PCDHGA2: variants seen among roughly 807,000 people sequenced by gnomAD.
PCDHGA2 encodes the protein protocadherin gamma subfamily A, 2.
PCDHGA2 carries 40 observed loss-of-function variants against 59.2 expected under a neutral mutation model. The observed-to-expected ratio is 0.68, with a 90% CI of 0.52 to 0.88. PCDHGA2 has a LOEUF of 0.88. PCDHGA2 is among the 40% of genes least tolerant of loss of function. The probability of loss-of-function intolerance (pLI) is 0.00; values close to 1 mark genes in which losing one functional copy is unlikely to be tolerated. For missense variants in PCDHGA2, 1,226 were observed against 1,204.0 expected, an observed-to-expected ratio of 1.02 and a Z score of -0.27; for synonymous variants, 560 against 526.0, an observed-to-expected ratio of 1.06 and a Z score of -0.89.
At chr5:141,421,601 T>C (rs1309928984) in intron 1 of PCDHGA2, 19 of 1,613,652 alleles carry the variant, frequency 1.2e-5, no homozygotes, top group Non-Finnish European at 1.6e-5. Context: ...GTGGAAATAA[T>C]AGATATTAAT....
chr5:141,357,665 C>T, intron 1 of PCDHGA2: 7 of 1,599,548 alleles, frequency 4.4e-6, no homozygotes, highest in Non-Finnish European at 6.0e-6. Flanking sequence ...GAAATATAGA[C>T]AAAGAGTTGT....
rs1299543517 is a variant in PCDHGA2, at chr5:141,344,385, G to T, written c.2424+2990G>T. The T allele has an allele frequency of 2.5e-6, 4 of 1,612,432 alleles. No homozygotes were observed. In the Admixed American group the frequency reaches 5.0e-5, roughly 20 times the overall value. On this transcript the variant is annotated intron_variant, in intron 1 of 3. Coordinates refer to ENST00000394576, the MANE Select transcript of PCDHGA2 (RefSeq NM_018915.4). ...GGTTGAGGATAAATTGAAAATTTTT[G>T]AAGTAGAAATAGAAATTAAAGATAT...
intron 1 of PCDHGA2, among the ~76,000 whole-genome samples, chr5:141,425,696 A>G (rs1033976807): frequency 1.3e-4 from 20 of 152,242 alleles, no homozygotes; most frequent in African/African-American, 4.3e-4. Context: ...ATCATTTCAT[A>G]GTGGTCAAAA....
chr5:141,489,151 A>G lies in PCDHGA2; in HGVS notation c.2425-5656A>G. On this transcript the variant is annotated intron_variant, in intron 1 of 3. Transcript: ENST00000394576. This position sits in a 1 kb window ranked among gnomAD's most constrained non-coding sequence, Gnocchi z 4.5. ...TTTTTAAGAGGCTGGAAGGAGACAT[A>G]AGAGACTTCAGCTGCTGCATTCCAA... is the stretch of plus-strand genomic sequence containing the variant. The G allele has an allele frequency of 4.3e-6, 4 of 932,968 alleles. No individual in the cohort carries two copies. Among genetic ancestry groups the G allele is most frequent in the Non-Finnish European group, 6.4e-6 (4 of 622,052 alleles). 57.8% of individuals were successfully genotyped at this position (932,968 alleles called of 1,614,324 possible).
At chr5:141,418,674 GCAT>G (rs1401114725) in intron 1 of PCDHGA2, 1 of 1,614,032 alleles carries the variant, frequency 6.2e-7, no homozygotes, top group Non-Finnish European at 8.5e-7. Flanking sequence ...CAGGACGAGG[GCAT>G]CAACTCAGAG....
At chr5:141,374,916 C>T in intron 1 of PCDHGA2, 2 of 1,613,924 alleles carry the variant, frequency 1.2e-6, no homozygotes, top group Non-Finnish European at 1.7e-6. Flanking sequence ...GGGGAAGTAA[C>T]TTATTCCTTT....
At chr5:141,360,262 A>G in intron 1 of PCDHGA2, 1 of 1,613,978 alleles carries the variant, frequency 6.2e-7, no homozygotes, top group Non-Finnish European at 8.5e-7. Context: ...GGAGCTGGCC[A>G]AAAACTCGGT....
intron 1 of PCDHGA2, chr5:141,355,721 C>CA: frequency 6.2e-7 from 1 of 1,614,008 alleles, no homozygotes; most frequent in Non-Finnish European, 8.5e-7. Context: ...CAGCTCAACT[C>CA]AAACGGTTAC....
chr5:141,372,725 A>G (rs1258286952), intron 1 of PCDHGA2: 4 of 1,613,884 alleles, frequency 2.5e-6, no homozygotes, highest in Admixed American at 1.7e-5. Flanking sequence ...ATGCTGCACC[A>G]CAAGATCTTC....
At chr5:141,507,120 T>TA (rs1256499995) in intron 3 of PCDHGA2, 2 of 152,206 alleles carry the variant, frequency 1.3e-5, no homozygotes, top group African/African-American at 4.8e-5. Context: ...TGGCTGCCTT[T>TA]GGATCCAGCC....
At chr5:141,356,417 C>T in intron 1 of PCDHGA2, 1 of 1,603,636 alleles carries the variant, frequency 6.2e-7, no homozygotes, top group South Asian at 1.1e-5. Context: ...CGGTTGTTGA[C>T]ACACAGAACA....
intron 1 of PCDHGA2, chr5:141,352,409 C>T: frequency 6.2e-7 from 1 of 1,614,046 alleles, no homozygotes; most frequent in African/African-American, 1.3e-5. Flanking sequence ...TTCCTCCAGC[C>T]TCGACACTGA....
At position 141,491,390 on chromosome 5, in the gene PCDHGA2, T is replaced by C; in HGVS notation, c.2425-3417T>C. 6.2e-7 allele frequency: 1 copy of C among 1,614,130 alleles called. No homozygotes were observed. Among genetic ancestry groups the C allele is most frequent in the Non-Finnish European group, 8.5e-7 (1 of 1,179,988 alleles). ...TTCACCTTTCTGTCAGCGAAGTGCC[T>C]TCAGGGAAACGCAGACGGGGACGGG... On this transcript the variant is annotated intron_variant, in intron 1 of 3. Coordinates refer to ENST00000394576, the MANE Select transcript of PCDHGA2 (RefSeq NM_018915.4). This position sits in a 1 kb window ranked among gnomAD's most constrained non-coding sequence, Gnocchi z 6.9.
chr5:141,355,331 T>A (rs1588509224), intron 1 of PCDHGA2: 2 of 1,613,978 alleles, frequency 1.2e-6, no homozygotes, highest in Non-Finnish European at 8.5e-7. Context: ...GAAGGCTCAG[T>A]GGTGGGCAAC....
chr5:141,366,416 G>A (rs767881897), intron 1 of PCDHGA2: 1 of 1,614,000 alleles, frequency 6.2e-7, no homozygotes, highest in African/African-American at 1.3e-5. Context: ...TCTTGTGGTG[G>A]CAGTGGCTGC....
chr5:141,365,759 C>T (rs376978243), intron 1 of PCDHGA2: 1 of 1,613,860 alleles, frequency 6.2e-7, no homozygotes, highest in South Asian at 1.1e-5. Flanking sequence ...TGTGACAGCC[C>T]ATGACCCCGA....
chr5:141,415,409 TG>T (rs763291157), intron 1 of PCDHGA2: 1 of 1,614,208 alleles, frequency 6.2e-7, no homozygotes, highest in Non-Finnish European at 8.5e-7. Context: ...TCGCACTTTG[TG>T]GGCGTGGACG....
intron 1 of PCDHGA2, among the ~76,000 whole-genome samples, chr5:141,473,775 T>A (rs1219791398): frequency 6.6e-6 from 1 of 152,190 alleles, no homozygotes; most frequent in African/African-American, 2.4e-5. Flanking sequence ...ATTTGGTATT[T>A]TAATTCAAGA....
chr5:141,360,599 A>G (rs1320690569), intron 1 of PCDHGA2: 2 of 1,613,866 alleles, frequency 1.2e-6, no homozygotes, highest in Non-Finnish European at 1.7e-6. Flanking sequence ...TTTCCACTTG[A>G]CCCAGCCCTG....
Sources: allele counts gnomAD v4.1 joint callset (sites outside exome capture counted in the v4.1 genomes callset), GRCh38; gene constraint gnomAD v4.1.1; non-coding constraint Gnocchi (gnomAD v3.1); transcripts MANE v1.5; gene names NCBI Gene and HGNC (gene_info 2026-07-23, HGNC 2026-07-21).